The following ITGA6 variants were observed in gnomAD, a reference collection of about 807,000 sequenced individuals.
ITGA6 encodes integrin alpha-6.
ITGA6 carries 63 observed loss-of-function variants against 133.6 expected under a neutral mutation model. The ratio of observed to expected loss-of-function variants is 0.47; its 90% CI spans 0.38 to 0.58. The LOEUF is 0.58. ITGA6 is among the 20% of genes least tolerant of loss of function. The probability of loss-of-function intolerance (pLI) is 0.00; values close to 1 mark genes in which losing one functional copy is unlikely to be tolerated. For synonymous variants in ITGA6, 434 were observed against 482.0 expected, an observed-to-expected ratio of 0.90 and a Z score of 1.30; for missense variants, 1,068 against 1,309.4, an observed-to-expected ratio of 0.82 and a Z score of 2.85.
chr2:172,449,462 A>G (rs897129103), intron 1 of ITGA6, among the ~76,000 whole-genome samples: 1 of 152,224 alleles, frequency 6.6e-6, no homozygotes, highest in Non-Finnish European at 1.5e-5. Flanking sequence ...CAGATGTTGT[A>G]TTCAGGGAAC....
chr2:172,486,866 GA>G (rs748071240), intron 13 of ITGA6, among the ~76,000 whole-genome samples, 156 bp from the exon 14 acceptor site: 3 of 152,184 alleles, frequency 2.0e-5, no homozygotes, highest in Non-Finnish European at 4.4e-5. Flanking sequence ...GGACAGAATG[GA>G]AATTTGATGT....
intron 1 of ITGA6, among the ~76,000 whole-genome samples, chr2:172,443,482 T>C (rs1684625285): frequency 6.6e-6 from 1 of 152,194 alleles, no homozygotes; most frequent in African/African-American, 2.4e-5. Context: ...GTTTTAATGG[T>C]CACGGCTGAT....
chr2:172,441,558 TTAAAAAAAAAAAAAAAAA>T (rs1253741718), intron 1 of ITGA6, among the ~76,000 whole-genome samples: 1 of 64,858 alleles, frequency 1.5e-5, no homozygotes, highest in African/African-American at 6.2e-5. Context: ...CGCTGTCTCT[TTAAAAAAAAAAAAAAAAA>T]AAAAAAAAAA....
chr2:172,429,175 GT>G (rs11366206), intron 1 of ITGA6, among the ~76,000 whole-genome samples: 24,741 of 147,926 alleles, frequency 0.17, 2,655 homozygotes, highest in East Asian at 0.59. Flanking sequence ...ATTTTAGTCA[GT>G]TTTTTTTTTT....
chr2:172,428,095 C>G (rs1222727063), intron 1 of ITGA6, 125 bp downstream of exon 1: 7 of 918,124 alleles, frequency 7.6e-6, no homozygotes, highest in Non-Finnish European at 1.0e-5. Context: ...CCGGGCCGGC[C>G]GAGGCGCACC....
rs763471763 is a variant in ITGA6, at chr2:172,469,314, G to A, written c.577G>A (p.Ala193Thr). 6.2e-7 allele frequency: 1 copy of A among 1,614,118 alleles called. No individual in the cohort carries two copies. Among genetic ancestry groups the A allele is most frequent in the Non-Finnish European group, 8.5e-7 (1 of 1,179,976 alleles). The change falls in exon 4 of 26, where the codon GCA (alanine) becomes ACA (threonine). Residue 193 changes from alanine to threonine, a missense_variant. Coordinates refer to ENST00000684293, the MANE Select transcript of ITGA6 (RefSeq NM_000210.4). Reference sequence around the variant, plus strand: ...ATTTGGCTCTTGCCAGCAAGGTGTAGCAGCTACTTTTACTAAAGACTTTCA... The same window carrying A: ...ATTTGGCTCTTGCCAGCAAGGTGTAACAGCTACTTTTACTAAAGACTTTCA... ...EKFGSCQQGV[A>T]ATFTKDFHYI...
At chr2:172,492,114 T>G (rs901456637) in intron 23 of ITGA6, among the ~76,000 whole-genome samples, 1 of 152,230 alleles carries the variant, frequency 6.6e-6, no homozygotes, top group Non-Finnish European at 1.5e-5. Flanking sequence ...TCCTGGCCTC[T>G]CCCTTCCTGG....
intron 1 of ITGA6, among the ~76,000 whole-genome samples, chr2:172,462,102 G>A (rs1035076959): frequency 5.9e-5 from 9 of 152,240 alleles, no homozygotes; most frequent in Admixed American, 2.0e-4. Context: ...GTTGCTGAAT[G>A]TGGTTGGGGT....
chr2:172,470,864 A>AT, intron 4 of ITGA6, 110 bp from the exon 5 acceptor site: 25 of 1,110,188 alleles, frequency 2.3e-5, no homozygotes, highest in South Asian at 2.8e-5. Flanking sequence ...TTTCCTCCAA[A>AT]TTTTTTTTCC....
At chr2:172,472,715 C>A in intron 5 of ITGA6, 2 of 1,106,396 alleles carry the variant, frequency 1.8e-6, no homozygotes, top group South Asian at 1.3e-5. Flanking sequence ...GGCTGTCCTG[C>A]CTCTTACCAA....
At chr2:172,462,047 C>T (rs899378314) in intron 1 of ITGA6, among the ~76,000 whole-genome samples, 7 of 152,222 alleles carry the variant, frequency 4.6e-5, no homozygotes, top group Admixed American at 2.0e-4. Flanking sequence ...GCTTGTTTCC[C>T]AAACCAGGGA....
chr2:172,477,601 C>T (rs1434526703), intron 9 of ITGA6, among the ~76,000 whole-genome samples: 1 of 152,114 alleles, frequency 6.6e-6, no homozygotes, highest in Non-Finnish European at 1.5e-5. Context: ...TAAATGTTTG[C>T]CCCTGTCTAT....
intron 11 of ITGA6, among the ~76,000 whole-genome samples, chr2:172,484,434 G>GAGTGTTGGGTTCCTCTGCTTATCGTTA (rs1686577609): frequency 6.6e-6 from 1 of 151,624 alleles, no homozygotes; most frequent in African/African-American, 2.4e-5. Context: ...GGTGCTCGGG[G>GAGTGTTGGGTTCCTCTGCTTATCGTTA]GAGTGTTGGG....
At chr2:172,459,535 T>C (rs1685346646) in intron 1 of ITGA6, among the ~76,000 whole-genome samples, 1 of 152,098 alleles carries the variant, frequency 6.6e-6, no homozygotes, top group African/African-American at 2.4e-5. Context: ...AGAGTCAGAC[T>C]AACACCAGAA....
At chr2:172,427,497 G>A, upstream of ITGA6, 3 of 1,100,366 alleles carry the variant, frequency 2.7e-6, no homozygotes, top group Non-Finnish European at 3.3e-6. Flanking sequence ...GCGCCGGGCC[G>A]CGGGCGCGCA....
chr2:172,481,628 TC>T (rs1367994287), intron 11 of ITGA6, among the ~76,000 whole-genome samples: 1 of 152,222 alleles, frequency 6.6e-6, no homozygotes, highest in African/African-American at 2.4e-5. Context: ...AGGTGGTTTC[TC>T]CGTCTCCCCT....
intron 23 of ITGA6, among the ~76,000 whole-genome samples, chr2:172,492,884 A>G (rs1030690846): frequency 3.3e-5 from 5 of 152,166 alleles, no homozygotes; most frequent in African/African-American, 1.2e-4. Context: ...CTTACGATTT[A>G]TTATCCAAGC....
intron 2 of ITGA6, among the ~76,000 whole-genome samples, chr2:172,466,250 C>T (rs772661133): frequency 2.6e-5 from 4 of 152,168 alleles, no homozygotes; most frequent in African/African-American, 4.8e-5. Flanking sequence ...AGCCAAACCT[C>T]GTTTGATATG....
At chr2:172,433,668 C>A (rs1684200493) in intron 1 of ITGA6, among the ~76,000 whole-genome samples, 1 of 152,176 alleles carries the variant, frequency 6.6e-6, no homozygotes, top group South Asian at 2.1e-4. Context: ...TTCCCTGCTT[C>A]CCGGCCTGTG....
Sources: gnomAD v4.1 joint callset for allele counts (sites outside exome capture counted in the v4.1 genomes callset) on GRCh38, gnomAD v4.1.1 for gene constraint, MANE v1.5 for transcripts, NCBI Gene and HGNC (gene_info 2026-07-23, HGNC 2026-07-21) for gene names.